The following MARCHF4 variants were observed in gnomAD, a reference collection of about 807,000 sequenced individuals.
MARCHF4 encodes the protein membrane associated ring-CH-type finger 4, also known as E3 ubiquitin-protein ligase MARCHF4.
MARCHF4 carries 14 observed loss-of-function variants against 43.9 expected under a neutral mutation model. That is an observed-to-expected ratio of 0.32 (90% CI 0.21 to 0.50). The LOEUF (loss-of-function observed/expected upper bound fraction) is 0.50, where lower values mean the gene tolerates loss of function less well. Among genes scored for constraint, MARCHF4 ranks in the 20% least tolerant of loss-of-function variants. MARCHF4 has a pLI of 0.98. For synonymous variants in MARCHF4, 226 were observed against 213.3 expected (o/e 1.06, Z -0.52); for missense variants, 468 against 536.7 (o/e 0.87, Z 1.27).
intron 1 of MARCHF4, among the ~76,000 whole-genome samples, chr2:216,344,490 A>C (rs368799411): frequency 1.7e-4 from 26 of 152,316 alleles, no homozygotes; most frequent in African/African-American, 6.3e-4. Context: ...TGGTCACCAC[A>C]CACGGACTTT....
At chr2:216,335,496 A>C (rs1023644191) in intron 1 of MARCHF4, among the ~76,000 whole-genome samples, 2 of 152,228 alleles carry the variant, frequency 1.3e-5, no homozygotes, top group African/African-American at 4.8e-5. Flanking sequence ...GTAATTGAAT[A>C]AATGTAAGAG....
intron 1 of MARCHF4, among the ~76,000 whole-genome samples, chr2:216,344,759 C>G (rs991996450): frequency 4.0e-5 from 6 of 151,780 alleles, no homozygotes; most frequent in African/African-American, 1.5e-4. Flanking sequence ...AGGGAGCCAG[C>G]AAAGAGGAAG....
intron 1 of MARCHF4, among the ~76,000 whole-genome samples, chr2:216,329,313 A>G (rs1316692967): frequency 6.6e-6 from 1 of 152,122 alleles, no homozygotes; most frequent in Non-Finnish European, 1.5e-5. Context: ...CCTGGGAGGC[A>G]GAGCTTGCAG....
At chr2:216,369,637 T>G in intron 1 of MARCHF4, 108 bp downstream of exon 1, 1 of 862,688 alleles carries the variant, frequency 1.2e-6, no homozygotes, top group Non-Finnish European at 1.8e-6. Flanking sequence ...AAACATAGAG[T>G]CCTCATACTA....
At chr2:216,328,291 T>A (rs190862317) in intron 1 of MARCHF4, among the ~76,000 whole-genome samples, 4 of 152,188 alleles carry the variant, frequency 2.6e-5, no homozygotes, top group Admixed American at 6.5e-5. Flanking sequence ...TGCCTCAGCC[T>A]CCCAAGTAGC....
chr2:216,350,861 A>G (rs550558246), intron 1 of MARCHF4, among the ~76,000 whole-genome samples: 1 of 152,312 alleles, frequency 6.6e-6, no homozygotes, highest in East Asian at 1.9e-4. Flanking sequence ...TTGAGTTCCT[A>G]GGGCTAGCAC....
At chr2:216,349,378 T>C (rs531006636) in intron 1 of MARCHF4, among the ~76,000 whole-genome samples, 2 of 152,362 alleles carry the variant, frequency 1.3e-5, no homozygotes, top group Non-Finnish European at 2.9e-5. Flanking sequence ...TTACATTACC[T>C]TTCTGAGCCT....
At chr2:216,333,300 G>C (rs141805025) in intron 1 of MARCHF4, among the ~76,000 whole-genome samples, 4 of 152,314 alleles carry the variant, frequency 2.6e-5, no homozygotes, top group African/African-American at 9.6e-5. Flanking sequence ...ACCAAAAAGA[G>C]ACAGCTAACC....
At chr2:216,279,362 T>C (rs1214046941) in intron 2 of MARCHF4, among the ~76,000 whole-genome samples, 2 of 152,040 alleles carry the variant, frequency 1.3e-5, no homozygotes, top group African/African-American at 2.4e-5. Context: ...GAATGAGAGA[T>C]CACACAGAAC....
intron 1 of MARCHF4, among the ~76,000 whole-genome samples, chr2:216,291,060 G>A (rs1427313770): frequency 2.0e-5 from 3 of 152,112 alleles, no homozygotes; most frequent in African/African-American, 7.2e-5. Context: ...AGCTGAGTCT[G>A]AATGAGACAA....
chr2:216,350,366 T>C (rs1392589046), intron 1 of MARCHF4, among the ~76,000 whole-genome samples: 1 of 108,428 alleles, frequency 9.2e-6, no homozygotes, highest in Admixed American at 9.9e-5. Context: ...TACGCCACAC[T>C]CCCTCACTAT....
intron 1 of MARCHF4, among the ~76,000 whole-genome samples, chr2:216,316,430 A>G (rs934048073): frequency 2.0e-5 from 3 of 152,170 alleles, no homozygotes; most frequent in African/African-American, 7.2e-5. Flanking sequence ...AATCTTGCAA[A>G]AACAGGGCAG....
In MARCHF4 at chr2:216,295,019, C is replaced by T. The variant is rs576538511; in HGVS notation, c.517-11290G>A. Among the ~76,000 whole-genome samples, 53 of 152,300 alleles carry T rather than the reference C, an allele frequency of 3.5e-4. No homozygotes were observed. In the East Asian group the frequency reaches 3.9e-3, roughly 11 times the overall value. Reference sequence around the variant, plus strand: ...GCCAGTGCTTCTGCTATTGTTGCAGCCTCTCTTGGTAGCTCACGCCTTTGA... The same window carrying T: ...GCCAGTGCTTCTGCTATTGTTGCAGTCTCTCTTGGTAGCTCACGCCTTTGA... On this transcript the variant is annotated intron_variant, in intron 1 of 3. Transcript: ENST00000273067.
intron 1 of MARCHF4, among the ~76,000 whole-genome samples, chr2:216,320,217 A>C (rs1411638778): frequency 9.2e-5 from 14 of 152,222 alleles, no homozygotes; most frequent in Admixed American, 9.2e-4. Flanking sequence ...ATTTTCTGAG[A>C]AGCAAATAAG....
intron 3 of MARCHF4, 37 bp downstream of exon 3, chr2:216,277,635 T>A (rs1369800769): frequency 1.3e-6 from 2 of 1,554,972 alleles, no homozygotes; most frequent in Non-Finnish European, 1.8e-6. Context: ...GAGCACATGG[T>A]TCCCCACTTC....
intron 1 of MARCHF4, among the ~76,000 whole-genome samples, chr2:216,365,279 C>T (rs1692646827): frequency 6.6e-6 from 1 of 152,230 alleles, no homozygotes; most frequent in South Asian, 2.1e-4. Context: ...GAATGCAGAA[C>T]TCCAGGGAAG....
chr2:216,285,933 G>A (rs1691211715), intron 1 of MARCHF4, among the ~76,000 whole-genome samples: 1 of 152,222 alleles, frequency 6.6e-6, no homozygotes, highest in African/African-American at 2.4e-5. Flanking sequence ...TGACAGTGAA[G>A]TCTCCACGCC....
chr2:216,262,153 G>A (rs1368161835), intron 3 of MARCHF4, among the ~76,000 whole-genome samples: 1 of 152,238 alleles, frequency 6.6e-6, no homozygotes, highest in African/African-American at 2.4e-5. Flanking sequence ...GATTTGTGGA[G>A]AGAGGAGAAG....
chr2:216,299,088 T>A (rs1254770995), intron 1 of MARCHF4, among the ~76,000 whole-genome samples: 2 of 152,016 alleles, frequency 1.3e-5, no homozygotes, highest in Non-Finnish European at 2.9e-5. Context: ...AAAGAAAGGC[T>A]CAGAAGACAT....
Sources: gnomAD v4.1 joint callset for allele counts (sites outside exome capture counted in the v4.1 genomes callset) on GRCh38, gnomAD v4.1.1 for gene constraint, MANE v1.5 for transcripts, NCBI Gene and HGNC (gene_info 2026-07-23, HGNC 2026-07-21) for gene names.